Variants in SORL1-AS1 observed in about 807,000 individuals in gnomAD.
SORL1-AS1 encodes SORL1 antisense RNA 1, also known as lncRNA 51 A.
downstream of SORL1-AS1, among the ~76,000 whole-genome samples, chr11:121,443,192 G>A (rs951618249): frequency 7.2e-5 from 11 of 151,998 alleles, no homozygotes; most frequent in East Asian, 1.9e-4. Context: ...CTCAACATTC[G>A]TTATGCTAAT....
chr11:121,448,296 A>G (rs1036818885), exon 2 of SORL1-AS1: 2 of 152,206 alleles, frequency 1.3e-5, no homozygotes, highest in African/African-American at 4.8e-5. Flanking sequence ...CTCTGGGTGC[A>G]TTTGTATTTT....
downstream of SORL1-AS1, among the ~76,000 whole-genome samples, chr11:121,445,888 A>G (rs910579516): frequency 6.6e-6 from 1 of 151,934 alleles, no homozygotes; most frequent in Admixed American, 6.6e-5. Flanking sequence ...ATTTGAACCT[A>G]TTATTGGGCA....
the SORL1-AS1 span, among the ~76,000 whole-genome samples, chr11:121,441,367 C>CA: frequency 0.2 from 27,042 of 132,534 alleles, 2,663 homozygotes; most frequent in African/African-American, 0.27. Flanking sequence ...ACTAAAAATA[C>CA]AAAAAAAAAA....
Position 121,452,264 on chromosome 11 carries a change from C to G in SORL1-AS1, n.339+411G>C. 4 of 1,293,854 alleles carry G rather than the reference C, an allele frequency of 3.1e-6. No homozygotes were observed. Among genetic ancestry groups the G allele is most frequent in the Non-Finnish European group, 4.0e-6 (4 of 998,160 alleles). 80.1% of individuals were successfully genotyped at this position (1,293,854 alleles called of 1,614,324 possible). ...GGCGCGCGCGGTCCCGGCCCAGCGG[C>G]TCTCCTGGCCTCGCGCTGCACATTC... On this transcript the variant is annotated intron_variant and non_coding_transcript_variant, in intron 1 of 1. Transcript: ENST00000501964. The surrounding 1 kb of genome is among the most constrained non-coding windows in gnomAD (Gnocchi z 5.3).
exon 2 of SORL1-AS1, chr11:121,449,663 A>G (rs1860765371): frequency 6.6e-6 from 1 of 152,252 alleles, no homozygotes; most frequent in Non-Finnish European, 1.5e-5. Flanking sequence ...GGAGGCCTTC[A>G]CACAAATTTG....
At chr11:121,447,919 T>C (rs953965135) in exon 2 of SORL1-AS1, 5 of 152,236 alleles carry the variant, frequency 3.3e-5, no homozygotes, top group African/African-American at 1.2e-4. Context: ...TGTTCCACTA[T>C]ACCCAGGACT....
chr11:121,452,699 C>T lies in SORL1-AS1; in HGVS notation n.315G>A. ...CCCCCGCATCCATCCGTTGCAGTCGCCTCCTAGGTGCAGGCACCACTGGGG... is the reference window on the plus strand; with the variant it reads ...CCCCCGCATCCATCCGTTGCAGTCGTCTCCTAGGTGCAGGCACCACTGGGG... On this transcript the variant is annotated non_coding_transcript_exon_variant, in exon 1 of 2. Transcript: ENST00000501964. This position sits in a 1 kb window ranked among gnomAD's most constrained non-coding sequence, Gnocchi z 5.3. The T allele has an allele frequency of 3.2e-6, 4 of 1,267,588 alleles. No individual in the cohort carries two copies. Among genetic ancestry groups the T allele is most frequent in the Non-Finnish European group, 3.1e-6 (3 of 977,388 alleles). The allele number at this position is 1,267,588 out of a possible 1,614,324, so 78.5% of individuals were successfully genotyped here.
chr11:121,448,184 A>G (rs1279151382), exon 2 of SORL1-AS1: 1 of 152,214 alleles, frequency 6.6e-6, no homozygotes, highest in East Asian at 1.9e-4. Context: ...ATGTTATGCA[A>G]ATGTAAATCA....
At chr11:121,441,394 G>A in the SORL1-AS1 span, among the ~76,000 whole-genome samples, 1 of 151,490 alleles carries the variant, frequency 6.6e-6, no homozygotes, top group Non-Finnish European at 1.5e-5. Context: ...AGCTGGGCGT[G>A]GTGGTGGGCG....
rs1289852536 is a variant in SORL1-AS1, at chr11:121,452,236, A to G, written n.339+439T>C. The G allele has an allele frequency of 1.4e-5, 14 of 1,013,278 alleles. 1 individual carries two copies. Among genetic ancestry groups the G allele is most frequent in the Non-Finnish European group, 1.8e-5 (14 of 786,268 alleles). The allele number at this position is 1,013,278 out of a possible 1,614,324, so 62.8% of individuals were successfully genotyped here. On this transcript the variant is annotated intron_variant and non_coding_transcript_variant, in intron 1 of 1. Transcript: ENST00000501964. This position sits in a 1 kb window ranked among gnomAD's most constrained non-coding sequence, Gnocchi z 5.3. The stretch of plus-strand genomic sequence containing the variant: ...GGCGCGGGCGGCCTGGAGCCCCGGG[A>G]GCGGCGCGCGCGGTCCCGGCCCAGC...
chr11:121,443,923 T>C (rs1860693098), downstream of SORL1-AS1, among the ~76,000 whole-genome samples: 1 of 152,152 alleles, frequency 6.6e-6, no homozygotes, highest in Non-Finnish European at 1.5e-5. Context: ...AGGGAAACTG[T>C]TCCCTGATTT....
downstream of SORL1-AS1, chr11:121,447,261 G>T (rs957079802): frequency 6.6e-6 from 1 of 151,510 alleles, no homozygotes; most frequent in Admixed American, 6.6e-5. Flanking sequence ...GTTGAGTTAC[G>T]CAGGGATGAA....
At position 121,450,174 on chromosome 11, in the gene SORL1-AS1, C is replaced by G. The variant is rs547246687; in HGVS notation, n.340-275G>C. Among the ~76,000 whole-genome samples the G allele has an allele frequency of 3.3e-5, 5 of 152,204 alleles. No homozygotes were observed. Among genetic ancestry groups the G allele is most frequent in the Non-Finnish European group, 5.9e-5 (4 of 68,048 alleles). ...TTCTGCTGGGACTCTGACACTTGCT[C>G]TTGCAGAGAAGGTTCTCATTAAATA... On this transcript the variant is annotated intron_variant and non_coding_transcript_variant, in intron 1 of 1. Transcript: ENST00000501964. This position sits in a 1 kb window ranked among gnomAD's most constrained non-coding sequence, Gnocchi z 5.2.
downstream of SORL1-AS1, among the ~76,000 whole-genome samples, chr11:121,446,517 G>A (rs111259839): frequency 5.3e-4 from 81 of 152,256 alleles, no homozygotes; most frequent in Non-Finnish European, 1.0e-3. Flanking sequence ...TTGGGAAGCT[G>A]AGGTGGGCAG....
chr11:121,441,337 C>T, the SORL1-AS1 span, among the ~76,000 whole-genome samples: 1 of 149,880 alleles, frequency 6.7e-6, no homozygotes, highest in Non-Finnish European at 1.5e-5. Context: ...TCCTGGCTAA[C>T]ACGGTGAAAC....
chr11:121,441,203 G>T, the SORL1-AS1 span, among the ~76,000 whole-genome samples: 2 of 152,096 alleles, frequency 1.3e-5, no homozygotes, highest in African/African-American at 4.8e-5. Context: ...CCCTTGATTT[G>T]TAAGTGGGTA....
chr11:121,452,719 C>A lies in SORL1-AS1; in HGVS notation n.295G>T. The A allele has an allele frequency of 9.8e-7, 1 of 1,025,376 alleles. No homozygotes were observed. The highest frequency in any genetic ancestry group is 1.3e-6 in the Non-Finnish European group (1 of 761,272). 63.5% of individuals were successfully genotyped at this position (1,025,376 alleles called of 1,614,324 possible). ...AGTCGCCTCCTAGGTGCAGGCACCA[C>A]TGGGGACTTCCCGGCTTGCATTTGT... On this transcript the variant is annotated non_coding_transcript_exon_variant, in exon 1 of 2. Coordinates refer to ENST00000501964, the Ensembl canonical transcript of SORL1-AS1. This position sits in a 1 kb window ranked among gnomAD's most constrained non-coding sequence, Gnocchi z 5.3.
chr11:121,442,812 G>A (rs928767642), downstream of SORL1-AS1, among the ~76,000 whole-genome samples: 3 of 150,568 alleles, frequency 2.0e-5, no homozygotes, highest in African/African-American at 7.3e-5. Context: ...CCGAGTAGCT[G>A]GGACTACAGG....
At chr11:121,444,038 G>C (rs1260775365), downstream of SORL1-AS1, among the ~76,000 whole-genome samples, 1 of 152,122 alleles carries the variant, frequency 6.6e-6, no homozygotes, top group East Asian at 1.9e-4. Flanking sequence ...TCTGGTACAG[G>C]ATGTGTGATG....
Sources: gnomAD v4.1 joint callset for allele counts (sites outside exome capture counted in the v4.1 genomes callset) on GRCh38, gnomAD v4.1.1 for gene constraint, Gnocchi (gnomAD v3.1) non-coding constraint, MANE v1.5 for transcripts, NCBI Gene and HGNC (gene_info 2026-07-23, HGNC 2026-07-21) for gene names.